NR6A1: variants seen among roughly 807,000 people sequenced by gnomAD.
The protein encoded by NR6A1 is nuclear receptor subfamily 6 group A member 1.
Under a neutral mutation model 59.1 loss-of-function variants are expected in NR6A1, and 7 were observed. The ratio of observed to expected loss-of-function variants is 0.12; its 90% CI spans 0.07 to 0.22. The LOEUF (loss-of-function observed/expected upper bound fraction) is 0.22, where lower values mean the gene tolerates loss of function less well. Among genes scored for constraint, NR6A1 ranks in the 10% least tolerant of loss-of-function variants. The probability of loss-of-function intolerance (pLI) is 1.00; values close to 1 mark genes in which losing one functional copy is unlikely to be tolerated. For synonymous variants in NR6A1, 243 were observed against 236.1 expected, an observed-to-expected ratio of 1.03 and a Z score of -0.27; for missense variants, 468 against 611.6, an observed-to-expected ratio of 0.77 and a Z score of 2.48.
chr9:124,543,474 C>A (rs2131363029), intron 4 of NR6A1, among the ~76,000 whole-genome samples: 1 of 152,276 alleles, frequency 6.6e-6, no homozygotes, highest in South Asian at 2.1e-4. Context: ...GCAAAGTAGT[C>A]TTGCTCATTT....
intron 2 of NR6A1, among the ~76,000 whole-genome samples, chr9:124,695,343 A>T (rs1296728109): frequency 6.6e-6 from 1 of 152,134 alleles, no homozygotes; most frequent in Non-Finnish European, 1.5e-5. Flanking sequence ...ACCCAAAGAA[A>T]TTACCAAAAG....
intron 2 of NR6A1, among the ~76,000 whole-genome samples, chr9:124,707,339 T>C (rs1839163416): frequency 6.6e-6 from 1 of 152,182 alleles, no homozygotes; most frequent in Admixed American, 6.5e-5. Flanking sequence ...TCCATTTTTA[T>C]TTTCTTATAA....
In NR6A1 at chr9:124,701,869, G is replaced by A. The variant is rs60907214; in HGVS notation, c.142+31439C>T. 6.4e-4 allele frequency among the ~76,000 whole-genome samples: 97 copies of A among 152,030 alleles called. 1 individual carries two copies. The East Asian group carries it at 0.018, about 28-fold the overall frequency. On this transcript the variant is annotated intron_variant, in intron 2 of 9. Coordinates refer to ENST00000487099, the MANE Select transcript of NR6A1 (RefSeq NM_033334.4). ...CTCCCGAGTAGCTGGGATTACAGGC[G>A]CCTGCCACCACGCCCAGGTAGTTTT...
At chr9:124,538,500 A>T (rs1222870864) in intron 5 of NR6A1, among the ~76,000 whole-genome samples, 181 bp from the exon 6 acceptor site, 3 of 152,232 alleles carry the variant, frequency 2.0e-5, no homozygotes, top group Admixed American at 6.5e-5. Context: ...TCTGTAAGAC[A>T]AAGACTCTAT....
At chr9:124,560,785 T>A (rs1038041441) in intron 2 of NR6A1, among the ~76,000 whole-genome samples, 1 of 152,180 alleles carries the variant, frequency 6.6e-6, no homozygotes, top group African/African-American at 2.4e-5. Context: ...GGTCTCAAAC[T>A]CCTGACCTCA....
In NR6A1 at chr9:124,536,126, A is replaced by G. The variant is rs1378634540; in HGVS notation, c.831T>C (p.Ala277=). ...GTPMLIEDGY[A]VTQAELFALL... is the part of the protein sequence containing the mutation. ...GGGCAAATAGTTCTGCCTGTGTCAC[A>G]GCGTATCTGAGGGGCAGGGACAGGG... The change falls in exon 7 of 10, where the codon GCT becomes GCC. Residue 277 remains alanine (A), a synonymous_variant. Coordinates refer to ENST00000487099, the MANE Select transcript of NR6A1 (RefSeq NM_033334.4). The G allele has an allele frequency of 6.2e-7, 1 of 1,612,218 alleles. No homozygotes were observed. Among genetic ancestry groups the G allele is most frequent in the Non-Finnish European group, 8.5e-7 (1 of 1,178,740 alleles).
At chr9:124,690,345 C>G (rs900012091) in intron 2 of NR6A1, among the ~76,000 whole-genome samples, 1 of 152,130 alleles carries the variant, frequency 6.6e-6, no homozygotes, top group African/African-American at 2.4e-5. Flanking sequence ...ATTTACATCC[C>G]CATGTTGGAG....
intron 5 of NR6A1, 59 bp from the exon 6 acceptor site, chr9:124,538,378 G>A: frequency 7.4e-7 from 1 of 1,345,928 alleles, no homozygotes; most frequent in South Asian, 1.3e-5. Context: ...TTACTCAAAG[G>A]AAGTGAGCCA....
chr9:124,601,622 A>G (rs957607595), intron 2 of NR6A1, among the ~76,000 whole-genome samples: 1 of 148,686 alleles, frequency 6.7e-6, no homozygotes, highest in Non-Finnish European at 1.5e-5. Context: ...AAAAGAAAAG[A>G]AAAAAAAAGA....
chr9:124,699,513 A>C (rs562907551), intron 2 of NR6A1, among the ~76,000 whole-genome samples: 1 of 152,370 alleles, frequency 6.6e-6, no homozygotes, highest in South Asian at 2.1e-4. Flanking sequence ...GTGAAGAATA[A>C]TGACATAGCA....
intron 1 of NR6A1, among the ~76,000 whole-genome samples, chr9:124,740,213 A>C (rs1035664963): frequency 6.6e-6 from 1 of 152,160 alleles, no homozygotes; most frequent in Non-Finnish European, 1.5e-5. Context: ...CACCACTGAC[A>C]TAAGGACTCA....
At chr9:124,532,967 C>T (rs1320180848) in intron 7 of NR6A1, among the ~76,000 whole-genome samples, 1 of 152,228 alleles carries the variant, frequency 6.6e-6, no homozygotes, top group Non-Finnish European at 1.5e-5. Context: ...TTCCTCACTA[C>T]TTCTGCTGTT....
intron 2 of NR6A1, among the ~76,000 whole-genome samples, chr9:124,620,476 C>T (rs1490957566): frequency 1.3e-5 from 2 of 152,186 alleles, no homozygotes; most frequent in African/African-American, 4.8e-5. Context: ...TATCCATACA[C>T]TGGAATATAT....
chr9:124,732,916 T>G (rs1227475603), intron 2 of NR6A1, among the ~76,000 whole-genome samples: 1 of 152,020 alleles, frequency 6.6e-6, no homozygotes, highest in East Asian at 1.9e-4. Flanking sequence ...AAGCTGGTCT[T>G]GAACTTCTGA....
chr9:124,753,380 TA>T (rs1256850691), intron 1 of NR6A1, among the ~76,000 whole-genome samples: 3 of 152,176 alleles, frequency 2.0e-5, no homozygotes, highest in African/African-American at 4.8e-5. Context: ...TTTAAGCTAA[TA>T]AAAAAATTCA....
intron 7 of NR6A1, 79 bp from the exon 8 acceptor site, chr9:124,526,979 A>G: frequency 1.9e-6 from 3 of 1,554,826 alleles, no homozygotes. Context: ...GAGCTCCTAC[A>G]GCTCCTTAAA....
intron 2 of NR6A1, among the ~76,000 whole-genome samples, chr9:124,628,354 A>T (rs976294350): frequency 6.6e-6 from 1 of 151,446 alleles, no homozygotes; most frequent in African/African-American, 2.4e-5. Context: ...ATAATTATTA[A>T]TTTTTTTTGA....
At chr9:124,541,418 T>C (rs1009330893) in intron 4 of NR6A1, among the ~76,000 whole-genome samples, 1 of 151,912 alleles carries the variant, frequency 6.6e-6, no homozygotes, top group African/African-American at 2.4e-5. Flanking sequence ...AAATCAAAAC[T>C]TGAAGATATT....
chr9:124,605,961 CTTTCTCTTTTTCT>C (rs371378604), intron 2 of NR6A1, among the ~76,000 whole-genome samples: 8 of 152,126 alleles, frequency 5.3e-5, no homozygotes, highest in African/African-American at 1.9e-4. Flanking sequence ...TTGCTTTTTC[CTTTCTCTTTTTCT>C]GCATCACCTT....
Sources: allele counts gnomAD v4.1 joint callset (sites outside exome capture counted in the v4.1 genomes callset), GRCh38; gene constraint gnomAD v4.1.1; transcripts MANE v1.5; gene names NCBI Gene and HGNC (gene_info 2026-07-23, HGNC 2026-07-21).